Variants in UNC13C observed in about 807,000 individuals in gnomAD.
UNC13C encodes protein unc-13 homolog C.
In UNC13C, 174 loss-of-function variants were observed where a neutral mutation model predicts 245.4. The ratio of observed to expected loss-of-function variants is 0.71; its 90% CI spans 0.63 to 0.80. UNC13C has a LOEUF of 0.80. Among genes scored for constraint, UNC13C ranks in the 30% least tolerant of loss-of-function variants. The probability of loss-of-function intolerance (pLI) is 0.00; values close to 1 mark genes in which losing one functional copy is unlikely to be tolerated. For missense variants in UNC13C, 2,829 were observed against 2,602.9 expected (o/e 1.09, Z -1.89); for synonymous variants, 992 against 895.1 (o/e 1.11, Z -1.93).
intron 10 of UNC13C, among the ~76,000 whole-genome samples, chr15:54,280,281 T>C (rs1205079254): frequency 6.6e-6 from 1 of 151,962 alleles, no homozygotes; most frequent in Non-Finnish European, 1.5e-5. Flanking sequence ...ACAATATACT[T>C]ATTAAAAAGA....
chr15:54,253,588 TAG>T (rs1169494921), intron 8 of UNC13C, among the ~76,000 whole-genome samples: 26 of 152,212 alleles, frequency 1.7e-4, no homozygotes, highest in African/African-American at 5.8e-4. Context: ...AAAAGACATT[TAG>T]AATTCTTTTT....
intron 4 of UNC13C, among the ~76,000 whole-genome samples, chr15:54,207,545 A>C (rs1023700942): frequency 4.6e-5 from 7 of 152,034 alleles, no homozygotes; most frequent in African/African-American, 1.4e-4. Context: ...GGCATTTTAC[A>C]ATTAAGTTTT....
chr15:54,456,848 T>C (rs1458166760), intron 19 of UNC13C, among the ~76,000 whole-genome samples: 1 of 152,102 alleles, frequency 6.6e-6, no homozygotes, highest in African/African-American at 2.4e-5. Context: ...ACTTCCTCTT[T>C]ACTGATTCGG....
chr15:54,295,989 C>G (rs1048890048), intron 11 of UNC13C, among the ~76,000 whole-genome samples: 1 of 152,130 alleles, frequency 6.6e-6, no homozygotes, highest in African/African-American at 2.4e-5. Flanking sequence ...CCCTCCTTAT[C>G]ACTTAAAATT....
At chr15:54,422,555 G>T (rs11635375) in intron 19 of UNC13C, among the ~76,000 whole-genome samples, 38,511 of 151,648 alleles carry the variant, frequency 0.25, 5,034 homozygotes, top group African/African-American at 0.3. Context: ...CCTCATTCAC[G>T]TTCCTCTCAC....
intron 17 of UNC13C, among the ~76,000 whole-genome samples, chr15:54,361,836 C>A (rs1211970842): frequency 1.3e-5 from 2 of 152,176 alleles, no homozygotes; most frequent in South Asian, 2.1e-4. Flanking sequence ...CTATTATTTC[C>A]CAGTCTGGGG....
intron 19 of UNC13C, among the ~76,000 whole-genome samples, chr15:54,431,668 A>C (rs2040876583): frequency 1.3e-5 from 2 of 151,690 alleles, no homozygotes; most frequent in Non-Finnish European, 3.0e-5. Flanking sequence ...CATTCTTCAC[A>C]TTACTTTCTT....
At chr15:54,344,860 T>A (rs981037585) in intron 17 of UNC13C, among the ~76,000 whole-genome samples, 1 of 152,230 alleles carries the variant, frequency 6.6e-6, no homozygotes, top group African/African-American at 2.4e-5. Flanking sequence ...AAAACCATAA[T>A]CATTGTTCAC....
chr15:54,025,545 T>C (rs1896074350), intron 2 of UNC13C, among the ~76,000 whole-genome samples: 1 of 152,130 alleles, frequency 6.6e-6, no homozygotes, highest in East Asian at 1.9e-4. Flanking sequence ...AAGTAGCAAA[T>C]CCAGTATTTG....
chr15:53,953,952 G>A, the UNC13C span, among the ~76,000 whole-genome samples: 1 of 152,198 alleles, frequency 6.6e-6, no homozygotes, highest in African/African-American at 2.4e-5. Context: ...GTGACTGTAA[G>A]GGACAGAGTA....
chr15:54,497,582 A>C (rs1480691388), intron 20 of UNC13C, among the ~76,000 whole-genome samples: 1 of 152,030 alleles, frequency 6.6e-6, no homozygotes, highest in Non-Finnish European at 1.5e-5. Flanking sequence ...ATCAAGTAGA[A>C]AGTGGCCACT....
At chr15:54,077,412 T>C (rs1898695702) in intron 2 of UNC13C, among the ~76,000 whole-genome samples, 1 of 130,570 alleles carries the variant, frequency 7.7e-6, no homozygotes, top group African/African-American at 2.9e-5. Context: ...AGAGTCTCTC[T>C]CTGTCTCCCA....
intron 13 of UNC13C, among the ~76,000 whole-genome samples, chr15:54,307,394 G>T (rs924083811): frequency 6.6e-6 from 1 of 151,866 alleles, no homozygotes; most frequent in South Asian, 2.1e-4. Context: ...CCCCACTTAT[G>T]ATCTAATCAC....
At chr15:54,070,520 G>A (rs1898272086) in intron 2 of UNC13C, among the ~76,000 whole-genome samples, 1 of 152,114 alleles carries the variant, frequency 6.6e-6, no homozygotes, top group Admixed American at 6.6e-5. Context: ...TCAGTCAGAT[G>A]AGGATTGCAG....
intron 28 of UNC13C, among the ~76,000 whole-genome samples, chr15:54,554,693 C>A (rs1003486377): frequency 1.3e-5 from 2 of 151,918 alleles, no homozygotes; most frequent in African/African-American, 2.4e-5. Context: ...ATAATGGCAG[C>A]CCTGGGATGA....
At chr15:54,047,649 G>T (rs1222182800) in intron 2 of UNC13C, among the ~76,000 whole-genome samples, 1 of 151,996 alleles carries the variant, frequency 6.6e-6, no homozygotes, top group African/African-American at 2.4e-5. Flanking sequence ...ATCCATTCAC[G>T]ATAGATATTT....
At chr15:54,574,380 T>C (rs541760261) in intron 30 of UNC13C, among the ~76,000 whole-genome samples, 26 of 152,338 alleles carry the variant, frequency 1.7e-4, no homozygotes, top group South Asian at 1.5e-3. Context: ...ATTCATTTCT[T>C]GCATCTTGAT....
chr15:54,049,092 G>A, intron 2 of UNC13C: 1 of 370,454 alleles, frequency 2.7e-6, no homozygotes, highest in Non-Finnish European at 5.4e-6. Context: ...TCTATCATTG[G>A]TAAGTCCTTT....
At chr15:54,548,208 CTTTTTTTTTTTTTTTTTTTT>C (rs60975842) in intron 27 of UNC13C, among the ~76,000 whole-genome samples, 7 of 61,932 alleles carry the variant, frequency 1.1e-4, no homozygotes, top group Admixed American at 3.6e-4. Context: ...GTTTCTTTTG[CTTTTTTTTTTTTTTTTTTTT>C]TTTTTTTTTT....
Sources: gnomAD v4.1 joint callset for allele counts (sites outside exome capture counted in the v4.1 genomes callset) on GRCh38, gnomAD v4.1.1 for gene constraint, MANE v1.5 for transcripts, NCBI Gene and HGNC (gene_info 2026-07-23, HGNC 2026-07-21) for gene names.